TENM2: variants seen among roughly 807,000 people sequenced by gnomAD.
TENM2 encodes teneurin-2.
A neutral mutation model predicts 245.2 loss-of-function variants in TENM2; 52 were observed. The ratio of observed to expected loss-of-function variants is 0.21; its 90% CI spans 0.17 to 0.27. The LOEUF is 0.27. Ranked by LOEUF, TENM2 falls within the 10% of genes least tolerant of loss-of-function variation. The pLI, the probability that TENM2 is intolerant of heterozygous loss-of-function variation, is 1.00. For synonymous variants in TENM2, 1,363 were observed against 1,438.9 expected (o/e 0.95, Z 1.19); for missense variants, 3,046 against 3,666.8 (o/e 0.83, Z 4.37).
chr5:167,533,642 T>C (rs1458777441), intron 2 of TENM2, among the ~76,000 whole-genome samples: 1 of 152,030 alleles, frequency 6.6e-6, no homozygotes, highest in Admixed American at 6.6e-5. Context: ...TTATTGTTTA[T>C]AGAAATGGGG....
chr5:167,949,501 C>A (rs1333081405), intron 3 of TENM2, among the ~76,000 whole-genome samples: 6 of 152,182 alleles, frequency 3.9e-5, no homozygotes, highest in African/African-American at 1.4e-4. Flanking sequence ...AAGAACCCAT[C>A]ACTGTTCTCT....
At chr5:167,353,545 T>C (rs1759096672) in intron 1 of TENM2, among the ~76,000 whole-genome samples, 1 of 132,970 alleles carries the variant, frequency 7.5e-6, no homozygotes, top group Admixed American at 8.0e-5. Flanking sequence ...TCTCGCTCTG[T>C]CGCCCAGGCT....
At chr5:167,463,964 T>C (rs1179742619) in intron 2 of TENM2, among the ~76,000 whole-genome samples, 2 of 152,152 alleles carry the variant, frequency 1.3e-5, no homozygotes, top group Non-Finnish European at 2.9e-5. Context: ...GGCAGGTGCA[T>C]GAGAGCTCTG....
At chr5:167,340,769 G>T (rs764750169) in intron 1 of TENM2, among the ~76,000 whole-genome samples, 45 of 152,220 alleles carry the variant, frequency 3.0e-4, no homozygotes, top group Non-Finnish European at 6.2e-4. Flanking sequence ...ATGGATTGGT[G>T]CTATAATAGC....
intron 2 of TENM2, among the ~76,000 whole-genome samples, chr5:167,524,682 A>C (rs1770986469): frequency 6.6e-6 from 1 of 151,966 alleles, no homozygotes; most frequent in Non-Finnish European, 1.5e-5. Context: ...AGCTTTCAAA[A>C]AAATACCAGA....
chr5:167,417,329 A>G (rs997700617), intron 2 of TENM2, among the ~76,000 whole-genome samples: 2 of 152,092 alleles, frequency 1.3e-5, no homozygotes, highest in African/African-American at 2.4e-5. Context: ...CCATCATTCT[A>G]TACTGGAGTG....
chr5:168,100,585 G>A (rs144515607), intron 9 of TENM2, among the ~76,000 whole-genome samples: 1 of 152,200 alleles, frequency 6.6e-6, no homozygotes, highest in African/African-American at 2.4e-5. Flanking sequence ...TCCTTTGCAG[G>A]GACATGGATG....
At chr5:168,262,750 G>A (rs1403724025) in exon 29 of TENM2, 1 of 1,610,948 alleles carries the variant, frequency 6.2e-7, no homozygotes, top group Non-Finnish European at 8.5e-7. Context: ...AATACCCAGA[G>A]CTTGCAGACA....
At chr5:167,634,413 G>A (rs1383098971) in intron 2 of TENM2, among the ~76,000 whole-genome samples, 5 of 151,428 alleles carry the variant, frequency 3.3e-5, no homozygotes, top group South Asian at 4.2e-4. Context: ...AGTTATTTAC[G>A]TTAGTATTTC....
At chr5:167,730,413 ATTTGAG>A (rs1323603545) in intron 2 of TENM2, among the ~76,000 whole-genome samples, 1 of 152,202 alleles carries the variant, frequency 6.6e-6, no homozygotes, top group Non-Finnish European at 1.5e-5. Context: ...AGAGGCCCAC[ATTTGAG>A]TTTATCTGTA....
At chr5:167,963,661 G>T (rs115268034) in intron 4 of TENM2, among the ~76,000 whole-genome samples, 2 of 152,294 alleles carry the variant, frequency 1.3e-5, no homozygotes, top group East Asian at 1.9e-4. Flanking sequence ...AATGCAAAGC[G>T]TGTCTCTTTA....
At chr5:167,162,884 A>G in the TENM2 span, among the ~76,000 whole-genome samples, 1 of 152,200 alleles carries the variant, frequency 6.6e-6, no homozygotes, top group Non-Finnish European at 1.5e-5. Flanking sequence ...ATTTTTAAGA[A>G]CAGTAACTAA....
At chr5:166,982,371 T>C in the TENM2 span, among the ~76,000 whole-genome samples, 1 of 152,162 alleles carries the variant, frequency 6.6e-6, no homozygotes, top group East Asian at 1.9e-4. Context: ...CATTGTGCAA[T>C]TGAAGGGAAC....
At chr5:167,976,511 A>G (rs879862311) in intron 4 of TENM2, among the ~76,000 whole-genome samples, 2 of 152,150 alleles carry the variant, frequency 1.3e-5, no homozygotes, top group African/African-American at 4.8e-5. Flanking sequence ...GTAATATACA[A>G]ATATACTTGG....
At chr5:167,433,580 T>C (rs1440900985) in intron 2 of TENM2, among the ~76,000 whole-genome samples, 1 of 152,156 alleles carries the variant, frequency 6.6e-6, no homozygotes, top group Non-Finnish European at 1.5e-5. Context: ...ATTTCTAAAT[T>C]GGTTTTTTTC....
At chr5:167,122,361 G>A in the TENM2 span, among the ~76,000 whole-genome samples, 1 of 152,048 alleles carries the variant, frequency 6.6e-6, no homozygotes, top group South Asian at 2.1e-4. Flanking sequence ...GTTTACAGTA[G>A]CCAAGTTGCA....
intron 4 of TENM2, among the ~76,000 whole-genome samples, chr5:167,984,566 G>A (rs1334683550): frequency 6.6e-6 from 1 of 152,156 alleles, no homozygotes; most frequent in Non-Finnish European, 1.5e-5. Context: ...TGAGGCAGGA[G>A]ACTCACTTGA....
At chr5:167,105,684 C>T in the TENM2 span, among the ~76,000 whole-genome samples, 5 of 150,912 alleles carry the variant, frequency 3.3e-5, no homozygotes, top group Non-Finnish European at 5.9e-5. Flanking sequence ...GTCAGGAGAT[C>T]GAGACCATCC....
chr5:168,157,187 G>A (rs62383437), intron 12 of TENM2, among the ~76,000 whole-genome samples: 5 of 152,290 alleles, frequency 3.3e-5, no homozygotes, highest in South Asian at 4.1e-4. Context: ...TGACTTCTGA[G>A]TGGGGATTTG....
Sources: gnomAD v4.1 joint callset for allele counts (sites outside exome capture counted in the v4.1 genomes callset) on GRCh38, gnomAD v4.1.1 for gene constraint, MANE v1.5 for transcripts, NCBI Gene and HGNC (gene_info 2026-07-23, HGNC 2026-07-21) for gene names.